The following GLI2 variants were observed in gnomAD, a reference collection of about 807,000 sequenced individuals.
GLI2 encodes GLI family zinc finger 2.
Under a neutral mutation model 78.9 loss-of-function variants are expected in GLI2, and 22 were observed. The observed-to-expected ratio is 0.28, with a 90% confidence interval of 0.20 to 0.40. GLI2 has a LOEUF of 0.40. Ranked by LOEUF, GLI2 falls within the 10% of genes least tolerant of loss-of-function variation. The probability of loss-of-function intolerance (pLI) is 1.00; values close to 1 mark genes in which losing one functional copy is unlikely to be tolerated. For missense variants in GLI2, 2,097 were observed against 2,213.2 expected, an observed-to-expected ratio of 0.95 and a Z score of 1.05; for synonymous variants, 974 against 963.7, an observed-to-expected ratio of 1.01 and a Z score of -0.20.
At chr2:120,777,063 T>A (rs1220049107) in intron 1 of GLI2, among the ~76,000 whole-genome samples, 2 of 152,202 alleles carry the variant, frequency 1.3e-5, no homozygotes, top group Non-Finnish European at 2.9e-5. Context: ...CGCGTGTGTG[T>A]GAGTGCATGG....
At chr2:120,961,199 T>G (rs989512445) in intron 5 of GLI2, among the ~76,000 whole-genome samples, 2 of 152,238 alleles carry the variant, frequency 1.3e-5, no homozygotes, top group African/African-American at 2.4e-5. Context: ...ATTGTCATAT[T>G]GACACTAATT....
chr2:120,775,474 C>T (rs888407810), intron 1 of GLI2, among the ~76,000 whole-genome samples: 9 of 152,300 alleles, frequency 5.9e-5, no homozygotes, highest in African/African-American at 2.2e-4. Context: ...TGCGCTAATG[C>T]TCCGGAGGTG....
chr2:120,871,140 C>T (rs1333865849), intron 2 of GLI2, among the ~76,000 whole-genome samples: 2 of 152,248 alleles, frequency 1.3e-5, no homozygotes, highest in Admixed American at 6.5e-5. Context: ...CAGGCCAGAG[C>T]CTGGGCTTTA....
chr2:120,777,354 G>A (rs949512473), intron 1 of GLI2, among the ~76,000 whole-genome samples: 2 of 152,046 alleles, frequency 1.3e-5, no homozygotes, highest in Non-Finnish European at 2.9e-5. Flanking sequence ...CGGAGTGGGC[G>A]TGTGTGGGGG....
intron 1 of GLI2, among the ~76,000 whole-genome samples, chr2:120,788,081 C>T (rs1684047988): frequency 6.6e-6 from 1 of 152,276 alleles, no homozygotes; most frequent in East Asian, 1.9e-4. Context: ...GTGCCAGGCC[C>T]CATGTGAGAC....
At chr2:120,914,077 A>G (rs1317394888) in intron 2 of GLI2, among the ~76,000 whole-genome samples, 1 of 152,244 alleles carries the variant, frequency 6.6e-6, no homozygotes, top group African/African-American at 2.4e-5. Context: ...ACCCGTGGGG[A>G]CCAGACAGAG....
At chr2:120,965,683 G>A (rs1465963280) in intron 5 of GLI2, among the ~76,000 whole-genome samples, 1 of 151,944 alleles carries the variant, frequency 6.6e-6, no homozygotes, top group Non-Finnish European at 1.5e-5. Context: ...AGGTGCTGCG[G>A]CAGAGGGGCA....
At chr2:120,860,425 G>T (rs1030029887) in intron 2 of GLI2, among the ~76,000 whole-genome samples, 1 of 152,190 alleles carries the variant, frequency 6.6e-6, no homozygotes, top group African/African-American at 2.4e-5. Flanking sequence ...AGGCCCTGGG[G>T]CTGCCCATGA....
In GLI2 at chr2:120,739,422, G is replaced by C. The variant is rs1376345066; in HGVS notation, c.-31+3137G>C. Among the ~76,000 whole-genome samples, 3 of 152,172 alleles carry C rather than the reference G, an allele frequency of 2.0e-5. No homozygotes were observed. In the South Asian group the frequency reaches 6.2e-4, roughly 32 times the overall value. Reference sequence around the variant, plus strand: ...AGCTGGCTTGTTAAAGCCTAGAATCGGAGTCCTACATCCTTGTGTACTCTT... The same window carrying C: ...AGCTGGCTTGTTAAAGCCTAGAATCCGAGTCCTACATCCTTGTGTACTCTT... On this transcript the variant is annotated intron_variant, in intron 1 of 13. Transcript: ENST00000361492.
At chr2:120,805,258 G>A (rs1014750796) in intron 2 of GLI2, among the ~76,000 whole-genome samples, 1 of 152,210 alleles carries the variant, frequency 6.6e-6, no homozygotes, top group Admixed American at 6.5e-5. Context: ...AGGCTCTCCT[G>A]GCCCCTGCCT....
chr2:120,750,835 C>T (rs1682847442), intron 1 of GLI2, among the ~76,000 whole-genome samples: 1 of 152,234 alleles, frequency 6.6e-6, no homozygotes, highest in East Asian at 1.9e-4. Flanking sequence ...CGATGTTTAC[C>T]AGGGAGCACT....
At position 120,988,609 on chromosome 2, in the gene GLI2, G is replaced by T; in HGVS notation, c.2644G>T (p.Gly882Cys). The change falls in exon 14 of 14, where the codon GGC becomes TGC. Residue 882 changes from glycine to cysteine, a missense_variant. Coordinates refer to ENST00000361492, the MANE Select transcript of GLI2 (RefSeq NM_001374353.1). ...LRAKYAAATG[G>C]PPPTPLPGLE... The stretch of plus-strand genomic sequence containing the variant: ...GGCCAAGTACGCGGCAGCCACTGGC[G>T]GCCCCCCGCCCACTCCGCTGCCGGG... 6.8e-7 allele frequency: 1 copy of T among 1,476,814 alleles called. No individual in the cohort carries two copies. The allele number at this position is 1,476,814 out of a possible 1,614,324, so 91.5% of individuals were successfully genotyped here.
chr2:120,799,509 T>C (rs1390622400), intron 2 of GLI2, among the ~76,000 whole-genome samples: 1 of 152,032 alleles, frequency 6.6e-6, no homozygotes, highest in East Asian at 1.9e-4. Context: ...TTGGGAAGGG[T>C]CCTCCTGGAG....
chr2:120,968,668 C>G (rs1282753949), intron 5 of GLI2, 46 bp from the exon 6 acceptor site: 1 of 1,371,382 alleles, frequency 7.3e-7, no homozygotes, highest in Non-Finnish European at 1.0e-6. Context: ...CACCCCCTCC[C>G]CCATCCCCAG....
At chr2:120,900,911 A>G (rs1162083578) in intron 2 of GLI2, among the ~76,000 whole-genome samples, 1 of 152,104 alleles carries the variant, frequency 6.6e-6, no homozygotes, top group Non-Finnish European at 1.5e-5. Flanking sequence ...TTTCCTTTGC[A>G]CTTTTCAAGA....
At chr2:120,806,171 A>C (rs58018929) in intron 2 of GLI2, among the ~76,000 whole-genome samples, 2 of 152,044 alleles carry the variant, frequency 1.3e-5, no homozygotes, top group Non-Finnish European at 2.9e-5. Flanking sequence ...GGAAAGAGAT[A>C]ATTTATTTTA....
Position 120,744,047 on chromosome 2 carries a change from A to G in GLI2, c.-31+7762A>G, listed in dbSNP as rs191518677. 2.0e-5 allele frequency among the ~76,000 whole-genome samples: 3 copies of G among 152,340 alleles called. No individual in the cohort carries two copies. In the East Asian group the frequency reaches 5.8e-4, roughly 29 times the overall value. ...TGTAAATGGGAGTGGCCTTGGGGAC[A>G]TTGGTAGAGAGCGGAAGCCTGTGAT... On this transcript the variant is annotated intron_variant, in intron 1 of 13. Coordinates refer to ENST00000361492, the MANE Select transcript of GLI2 (RefSeq NM_001374353.1).
At chr2:120,777,234 T>C (rs1683706793) in intron 1 of GLI2, among the ~76,000 whole-genome samples, 1 of 152,058 alleles carries the variant, frequency 6.6e-6, no homozygotes. Flanking sequence ...TGACTGTGTG[T>C]GTGTGCTGTG....
intron 2 of GLI2, among the ~76,000 whole-genome samples, chr2:120,921,466 A>G (rs1042462857): frequency 2.0e-5 from 3 of 152,252 alleles, no homozygotes; most frequent in African/African-American, 2.4e-5. Context: ...TTGGGGTGTC[A>G]CTGGCTGGAA....
Sources: gnomAD v4.1 joint callset for allele counts (sites outside exome capture counted in the v4.1 genomes callset) on GRCh38, gnomAD v4.1.1 for gene constraint, MANE v1.5 for transcripts, NCBI Gene and HGNC (gene_info 2026-07-23, HGNC 2026-07-21) for gene names.